KPNA3: variants seen among roughly 807,000 people sequenced by gnomAD.
KPNA3 encodes the protein karyopherin subunit alpha 3.
Under a neutral mutation model 73.8 loss-of-function variants are expected in KPNA3, and 13 were observed. The observed-to-expected ratio is 0.18, with a 90% CI of 0.11 to 0.28. The LOEUF (loss-of-function observed/expected upper bound fraction) is 0.28, where lower values mean the gene tolerates loss of function less well. KPNA3 is among the 10% of genes least tolerant of loss of function. The pLI is 1.00. For missense variants in KPNA3, 360 were observed against 618.1 expected, an observed-to-expected ratio of 0.58 and a Z score of 4.43; for synonymous variants, 186 against 206.9, an observed-to-expected ratio of 0.90 and a Z score of 0.87.
In KPNA3 at chr13:49,722,032, G is replaced by C. The variant is rs930596500; in HGVS notation, c.649C>G (p.Leu217Val). 6.2e-7 allele frequency: 1 copy of C among 1,612,160 alleles called. No individual in the cohort carries two copies. Among genetic ancestry groups the C allele is most frequent in the Non-Finnish European group, 8.5e-7 (1 of 1,178,796 alleles). ...FISPSIPITF[L>V]RNVTWVIVNL... Reference sequence around the variant, plus strand: ...ACAATGACCCATGTGACGTTCCGAAGGAAGGTGATGGGGATGGAGGGACTG... The same window carrying C: ...ACAATGACCCATGTGACGTTCCGAACGAAGGTGATGGGGATGGAGGGACTG... The change falls in exon 9 of 17, where the codon CTT (leucine) becomes GTT (valine). Residue 217 changes from leucine (L) to valine (V), a missense_variant. By Grantham distance (32) the Leu-to-Val change is conservative. Around this residue, in one of 3 missense-constraint regions of KPNA3, gnomAD observed 287 missense variants for 549.1 expected, o/e 0.52. Coordinates refer to ENST00000261667, the MANE Select transcript of KPNA3 (RefSeq NM_002267.4).
chr13:49,767,783 C>A (rs1566357117), intron 1 of KPNA3, among the ~76,000 whole-genome samples: 1 of 152,192 alleles, frequency 6.6e-6, no homozygotes, highest in South Asian at 2.1e-4. Flanking sequence ...TGGGACAGTA[C>A]AGTGAAAGTA....
chr13:49,771,068 C>T (rs1423974703), intron 1 of KPNA3, among the ~76,000 whole-genome samples: 1 of 142,728 alleles, frequency 7.0e-6, no homozygotes, highest in Admixed American at 7.3e-5. Flanking sequence ...TTTGGTTATT[C>T]AGGGTCCTTT....
intron 1 of KPNA3, among the ~76,000 whole-genome samples, chr13:49,772,475 G>C (rs2137595105): frequency 6.6e-6 from 1 of 152,276 alleles, no homozygotes; most frequent in African/African-American, 2.4e-5. Flanking sequence ...ATGTAAAATA[G>C]GACAACCACC....
chr13:49,788,015 G>A (rs1455517269), intron 1 of KPNA3, among the ~76,000 whole-genome samples: 1 of 152,136 alleles, frequency 6.6e-6, no homozygotes, highest in African/African-American at 2.4e-5. Context: ...GTAAGTCCAG[G>A]CTTTGCCACT....
At chr13:49,775,504 T>C (rs1368827653) in intron 1 of KPNA3, among the ~76,000 whole-genome samples, 3 of 152,184 alleles carry the variant, frequency 2.0e-5, no homozygotes, top group Admixed American at 6.5e-5. Context: ...CATATGGCTG[T>C]ACACTGTCAC....
At chr13:49,721,236 A>G (rs1051149385) in intron 9 of KPNA3, among the ~76,000 whole-genome samples, 13 of 152,090 alleles carry the variant, frequency 8.5e-5, no homozygotes, top group Non-Finnish European at 1.2e-4. Context: ...AGAAGAAGAA[A>G]AAAAATCAAT....
chr13:49,707,163 AAATT>A (rs1393540340), intron 12 of KPNA3, among the ~76,000 whole-genome samples: 2 of 152,208 alleles, frequency 1.3e-5, no homozygotes, highest in Admixed American at 1.3e-4. Context: ...TATTCCATAA[AAATT>A]AACCATCTAA....
chr13:49,780,147 T>C (rs79294527), intron 1 of KPNA3, among the ~76,000 whole-genome samples: 4,304 of 152,180 alleles, frequency 0.028, 210 homozygotes, highest in African/African-American at 0.098. Context: ...CACCACTGGA[T>C]ACGCTAGCCT....
intron 10 of KPNA3, among the ~76,000 whole-genome samples, chr13:49,717,897 T>C (rs1158346940): frequency 1.3e-5 from 2 of 152,250 alleles, no homozygotes; most frequent in African/African-American, 4.8e-5. Context: ...AAATTATCTG[T>C]GCTTCCATAA....
Position 49,751,071 on chromosome 13 carries a change from G to A in KPNA3, c.70-4078C>T, listed in dbSNP as rs1414682749. ...AAGAGGAGATATAATCAGAGGGACA[G>A]AAAAAAGCTCCCAAAAGAATTAAAA... On this transcript the variant is annotated intron_variant, in intron 1 of 16. Transcript: ENST00000261667. Among the ~76,000 whole-genome samples the A allele has an allele frequency of 2.0e-5, 3 of 152,286 alleles. No individual in the cohort carries two copies. The East Asian group carries it at 5.8e-4, about 29-fold the overall frequency.
intron 1 of KPNA3, among the ~76,000 whole-genome samples, chr13:49,768,401 G>A (rs555762156): frequency 6.6e-6 from 1 of 151,872 alleles, no homozygotes; most frequent in South Asian, 2.1e-4. Context: ...TCTTAATCCA[G>A]TCTGACAATC....
chr13:49,738,312 T>C (rs1443746797), intron 2 of KPNA3, among the ~76,000 whole-genome samples: 2 of 152,240 alleles, frequency 1.3e-5, no homozygotes, highest in African/African-American at 2.4e-5. Context: ...CCCTTTTTTC[T>C]TGTCAAGATT....
chr13:49,777,834 T>A (rs1566360665), intron 1 of KPNA3, among the ~76,000 whole-genome samples: 2 of 152,124 alleles, frequency 1.3e-5, no homozygotes, highest in Non-Finnish European at 1.5e-5. Flanking sequence ...GTAAAATCAC[T>A]TTCCAAAATA....
chr13:49,770,865 C>A (rs73194411), intron 1 of KPNA3, among the ~76,000 whole-genome samples: 16,885 of 146,778 alleles, frequency 0.12, 1,153 homozygotes, highest in South Asian at 0.26. Flanking sequence ...AAAGAAAAAA[C>A]CCCCGAAAAT....
chr13:49,721,209 A>T (rs987261545), intron 9 of KPNA3, among the ~76,000 whole-genome samples: 5 of 150,102 alleles, frequency 3.3e-5, no homozygotes, highest in Admixed American at 6.6e-5. Flanking sequence ...ATAGAACAAG[A>T]CTGTCTCAAA....
Position 49,725,435 on chromosome 13 carries a change from A to C in KPNA3, c.450T>G (p.Thr150=). 2 of 1,610,980 alleles carry C rather than the reference A, an allele frequency of 1.2e-6. No individual in the cohort carries two copies. Among genetic ancestry groups the C allele is most frequent in the Admixed American group, 1.7e-5 (1 of 59,912 alleles). The change falls in exon 7 of 17, where the codon ACT becomes ACG. Residue 150 remains threonine, a synonymous_variant. Coordinates refer to ENST00000261667, the MANE Select transcript of KPNA3 (RefSeq NM_002267.4). ...TNIASGTSAQ[T]QAVVQSNAVP... ...ACTTACTAGACTGCACAACAGCTTG[A>C]GTCTGTGCAGAAGTTCCTGATGCTA... is the stretch of plus-strand genomic sequence containing the variant.
At chr13:49,789,307 A>C (rs1955012183) in intron 1 of KPNA3, among the ~76,000 whole-genome samples, 2 of 152,026 alleles carry the variant, frequency 1.3e-5, no homozygotes, top group South Asian at 4.1e-4. Flanking sequence ...GCCCCTTTTA[A>C]GTTTGGTACA....
At chr13:49,737,561 CTGTGTGTGTGTGTGTG>C (rs3990330) in intron 2 of KPNA3, among the ~76,000 whole-genome samples, 15,264 of 142,942 alleles carry the variant, frequency 0.11, 825 homozygotes, top group South Asian at 0.14. Flanking sequence ...GTGTGTGTGT[CTGTGTGTGTGTGTGTG>C]TGTGTGTGTG....
Position 49,705,647 on chromosome 13 carries a change from A to G in KPNA3, c.1346T>C (p.Ile449Thr), listed in dbSNP as rs1183979163. Residue 449 changes from isoleucine to threonine, a missense_variant, in exon 15 of 17, where the codon ATA becomes ACA. Ile to Thr is a moderately conservative substitution (Grantham distance 89, BLOSUM62 -1). Coordinates refer to ENST00000261667, the MANE Select transcript of KPNA3 (RefSeq NM_002267.4). Reference protein sequence around the residue: ...LIMAGDEASTIAEIIEECGGL... With the variant: ...LIMAGDEASTTAEIIEECGGL... ...TCCACATTCCTCTATTATTTCAGCT[A>G]TTGTGCTTGCTTCATCACCGGCCAT... The G allele has an allele frequency of 5.0e-6, 8 of 1,613,986 alleles. No homozygotes were observed. Among genetic ancestry groups the G allele is most frequent in the Non-Finnish European group, 6.8e-6 (8 of 1,179,984 alleles).
Sources: allele counts gnomAD v4.1 joint callset (sites outside exome capture counted in the v4.1 genomes callset), GRCh38; gene constraint gnomAD v4.1.1; regional missense constraint gnomAD v4.1.1; transcripts MANE v1.5; gene names NCBI Gene and HGNC (gene_info 2026-07-23, HGNC 2026-07-21).